The following ZWILCH variants were observed in gnomAD, a reference collection of about 807,000 sequenced individuals.
ZWILCH encodes the protein protein zwilch homolog.
Under a neutral mutation model 79.9 loss-of-function variants are expected in ZWILCH, and 74 were observed. That is an observed-to-expected ratio of 0.93 (90% CI 0.77 to 1.12). ZWILCH has a LOEUF of 1.12. Among genes scored for constraint, ZWILCH ranks in the 50% most tolerant of loss-of-function variants. The probability of loss-of-function intolerance (pLI) is 0.00; values close to 1 mark genes in which losing one functional copy is unlikely to be tolerated. For missense variants in ZWILCH, 694 were observed against 687.5 expected (o/e 1.01, Z -0.11); for synonymous variants, 241 against 228.2 (o/e 1.06, Z -0.51).
chr15:66,512,511 C>T (rs996222847), intron 2 of ZWILCH, among the ~76,000 whole-genome samples: 2 of 151,996 alleles, frequency 1.3e-5, no homozygotes, highest in African/African-American at 4.8e-5. Flanking sequence ...CTCAGCCTCC[C>T]GATTAGCCGG....
intron 6 of ZWILCH, 38 bp downstream of exon 6, chr15:66,520,698 A>G: frequency 7.3e-7 from 1 of 1,362,910 alleles, no homozygotes. Context: ...TTTTCTTCAA[A>G]TTGTTGTCAA....
Position 66,517,430 on chromosome 15 carries a change from G to GTGTGTATATATATA in ZWILCH, c.321-1448_321-1447insGTGTATATATATAT. Among the ~76,000 whole-genome samples, 231 of 66,488 alleles carry GTGTGTATATATATA rather than the reference G, an allele frequency of 3.5e-3. 1 individual carries two copies. Among genetic ancestry groups the GTGTGTATATATATA allele is most frequent in the African/African-American group, 0.012 (194 of 16,310 alleles). The allele number at this position is 66,488 out of a possible 152,430, so 43.6% of individuals were successfully genotyped here. ...TGTTTGTGTGTGCGTGTGTGTGTGT[G>GTGTGTATATATATA]TATATATATATATATATATATATAT... On this transcript the variant is annotated intron_variant, in intron 4 of 18. Transcript: ENST00000307897.
chr15:66,537,125 A>T, intron 15 of ZWILCH, 43 bp from the exon 16 acceptor site: 1 of 1,513,392 alleles, frequency 6.6e-7, no homozygotes, highest in South Asian at 1.1e-5. Flanking sequence ...CGTTATGTCA[A>T]ATGGCTCTTT....
chr15:66,515,658 T>TA lies in ZWILCH; in HGVS notation c.320+15dup. The TA allele has an allele frequency of 6.4e-7, 1 of 1,556,524 alleles. No homozygotes were observed. The highest frequency in any genetic ancestry group is 1.4e-5 in the African/African-American group (1 of 73,744). ...TGGGAAGGCAAGGTAGGTTTTCTCT[T>TA]ATGCTGAGTAGGGGTGGCAACTAGG... On this transcript the variant is annotated intron_variant, in intron 4 of 18. Coordinates refer to ENST00000307897, the MANE Select transcript of ZWILCH (RefSeq NM_017975.5).
At chr15:66,536,930 A>G (rs577940660) in intron 15 of ZWILCH, among the ~76,000 whole-genome samples, 2 of 152,200 alleles carry the variant, frequency 1.3e-5, no homozygotes, top group East Asian at 3.9e-4. Context: ...TATGAGAAAT[A>G]TGTCTATTAA....
At position 66,536,044 on chromosome 15, in the gene ZWILCH, C is replaced by T. The variant is rs1368869314; in HGVS notation, c.1453C>T (p.His485Tyr). Residue 485 changes from histidine to tyrosine, a missense_variant, in exon 15 of 19, where the codon CAT (histidine) becomes TAT (tyrosine). Coordinates refer to ENST00000307897, the MANE Select transcript of ZWILCH (RefSeq NM_017975.5). ...TTGCATGCCTTTCATTAAATCTCAA[C>T]ATGAACTCCTCTTTTCTTTAACACA... Reference protein sequence around the residue: ...VSCMPFIKSQHELLFSLTQIC... With the variant: ...VSCMPFIKSQYELLFSLTQIC... The T allele has an allele frequency of 1.2e-6, 2 of 1,609,174 alleles. No individual in the cohort carries two copies. The highest frequency in any genetic ancestry group is 1.7e-5 in the Admixed American group (1 of 59,026).
chr15:66,549,180 G>C lies in ZWILCH; in HGVS notation c.*856G>C, dbSNP rs1243999220. On this transcript the variant is annotated 3_prime_UTR_variant, in exon 19 of 19. Coordinates refer to ENST00000307897, the MANE Select transcript of ZWILCH (RefSeq NM_017975.5). ...TTGTGTGCTGGGTACTCTGGTTACT[G>C]AGATAAATAAGGCACTGGACATCCT... 2.0e-5 allele frequency: 3 copies of C among 152,236 alleles called. No homozygotes were observed. The highest frequency in any genetic ancestry group is 4.4e-5 in the Non-Finnish European group (3 of 68,072). 9.4% of individuals were successfully genotyped at this position (152,236 alleles called of 1,614,324 possible). A position where few individuals can be genotyped will look rare whatever the true frequency, so the allele number is the denominator to read the frequency against.
At position 66,513,918 on chromosome 15, in the gene ZWILCH, G is replaced by T. The variant is rs191790042; in HGVS notation, c.106-70G>T. On this transcript the variant is annotated intron_variant, in intron 2 of 18. Transcript: ENST00000307897. ...TTTTCCATTGACTTGCATAGAACTG[G>T]TCTTTATGTGTTTAGATAGTAGAAA... The T allele has an allele frequency of 8.0e-6, 10 of 1,245,108 alleles. No homozygotes were observed. The East Asian group carries it at 2.4e-4, about 30-fold the overall frequency. The allele number at this position is 1,245,108 out of a possible 1,614,324, so 77.1% of individuals were successfully genotyped here. A position where few individuals can be genotyped will look rare whatever the true frequency, so the allele number is the denominator to read the frequency against.
rs983361785 is a variant in ZWILCH at position 66,548,534 on chromosome 15, T to C, written c.*210T>C. ...AGGAGCATTAGTAGAACAGCAGTGATGAGGACACAGAGGGAGCAGACAGTG... is the reference window on the plus strand; with the variant it reads ...AGGAGCATTAGTAGAACAGCAGTGACGAGGACACAGAGGGAGCAGACAGTG... On this transcript the variant is annotated 3_prime_UTR_variant, in exon 19 of 19. Transcript: ENST00000307897. 2 of 1,613,340 alleles carry C rather than the reference T, an allele frequency of 1.2e-6. No individual in the cohort carries two copies. Among genetic ancestry groups the C allele is most frequent in the Non-Finnish European group, 1.7e-6 (2 of 1,179,428 alleles).
intron 2 of ZWILCH, among the ~76,000 whole-genome samples, chr15:66,512,622 A>C (rs1894110618): frequency 6.6e-6 from 1 of 150,748 alleles, no homozygotes; most frequent in Non-Finnish European, 1.5e-5. Context: ...GGTAATGATT[A>C]TCCTGTGCAG....
At chr15:66,514,545 G>C (rs771931336) in intron 3 of ZWILCH, 1 of 153,872 alleles carries the variant, frequency 6.5e-6, no homozygotes, top group Middle Eastern at 3.4e-3. Context: ...TTCTGACATC[G>C]TGATCCACTC....
chr15:66,537,833 T>C (rs2140800517), intron 16 of ZWILCH, among the ~76,000 whole-genome samples: 1 of 152,290 alleles, frequency 6.6e-6, no homozygotes, highest in South Asian at 2.1e-4. Context: ...ACCTTAATCA[T>C]CTGTGACCAT....
chr15:66,533,057 A>G, intron 14 of ZWILCH, 44 bp downstream of exon 14: 2 of 1,424,020 alleles, frequency 1.4e-6, no homozygotes, highest in South Asian at 1.3e-5. Context: ...TCTTTTATTC[A>G]GTCATTCTGT....
Position 66,527,353 on chromosome 15 carries a change from G to T in ZWILCH, c.883G>T (p.Ala295Ser). The change falls in exon 9 of 19, where the codon GCT becomes TCT. Residue 295 changes from alanine (A) to serine (S), a missense_variant. Physicochemically the swap from Ala to Ser is moderately conservative, Grantham distance 99. Transcript: ENST00000307897. ...EWLEPLEAKS[A>S]VELVQEFLND... ...GCTCGAGCCCCTGGAAGCAAAATCTGCTGTTGAACTTGTTCAGGAATTTCT... is the reference window on the plus strand; with the variant it reads ...GCTCGAGCCCCTGGAAGCAAAATCTTCTGTTGAACTTGTTCAGGAATTTCT... 1 of 1,614,020 alleles carries T rather than the reference G, an allele frequency of 6.2e-7. No homozygotes were observed. The highest frequency in any genetic ancestry group is 8.5e-7 in the Non-Finnish European group (1 of 1,179,950).
rs149217755 is a variant in ZWILCH at position 66,546,608 on chromosome 15, C to G, written c.1705C>G (p.Leu569Val). 1.4e-5 allele frequency: 23 copies of G among 1,607,398 alleles called. No homozygotes were observed. Among genetic ancestry groups the G allele is most frequent in the Admixed American group, 1.7e-5 (1 of 58,448 alleles). The change falls in exon 18 of 19, where the codon CTA becomes GTA. Residue 569 changes from leucine to valine, a missense_variant. Coordinates refer to ENST00000307897, the MANE Select transcript of ZWILCH (RefSeq NM_017975.5). ...FHKPDFSELT[L>V]NGSLEERIFF... ...GATTACAGATTTTTCGGAATTAACACTAAACGGTAGCCTGGAAGAAAGGAT... is the reference window on the plus strand; with the variant it reads ...GATTACAGATTTTTCGGAATTAACAGTAAACGGTAGCCTGGAAGAAAGGAT...
intron 4 of ZWILCH, among the ~76,000 whole-genome samples, chr15:66,518,550 T>A (rs886553500): frequency 1.3e-5 from 2 of 152,194 alleles, no homozygotes; most frequent in African/African-American, 4.8e-5. Flanking sequence ...TGGTGGCTCA[T>A]GCCTATAATC....
chr15:66,514,173 A>G (rs1894172148), intron 3 of ZWILCH, 90 bp downstream of exon 3: 1 of 871,048 alleles, frequency 1.1e-6, no homozygotes, highest in East Asian at 2.7e-5. Context: ...TTTTAAAATC[A>G]GCATCGGTGA....
intron 8 of ZWILCH, among the ~76,000 whole-genome samples, chr15:66,526,165 ACTT>A (rs1894667899): frequency 6.6e-6 from 1 of 152,192 alleles, no homozygotes; most frequent in Non-Finnish European, 1.5e-5. Context: ...CATCCTTGAT[ACTT>A]CTGATAGAGA....
intron 17 of ZWILCH, among the ~76,000 whole-genome samples, chr15:66,542,717 A>C (rs1895232908): frequency 6.6e-6 from 1 of 152,192 alleles, no homozygotes; most frequent in South Asian, 2.1e-4. Flanking sequence ...GGTTTTAAAA[A>C]TAAGATATGC....
Sources: allele counts gnomAD v4.1 joint callset (sites outside exome capture counted in the v4.1 genomes callset), GRCh38; gene constraint gnomAD v4.1.1; transcripts MANE v1.5; gene names NCBI Gene and HGNC (gene_info 2026-07-23, HGNC 2026-07-21).